The following CYP2J2 variants were observed in gnomAD, a reference collection of about 807,000 sequenced individuals.
CYP2J2 encodes the protein cytochrome P450 family 2 subfamily J member 2.
CYP2J2 carries 41 observed loss-of-function variants against 48.8 expected under a neutral mutation model. The ratio of observed to expected loss-of-function variants is 0.84; its 90% CI spans 0.66 to 1.09. The LOEUF (loss-of-function observed/expected upper bound fraction) is 1.09, where lower values mean the gene tolerates loss of function less well. Ranked by LOEUF, CYP2J2 falls within the 50% of genes least tolerant of loss-of-function variation. CYP2J2 has a pLI of 0.00. For missense variants in CYP2J2, 644 were observed against 617.3 expected, an observed-to-expected ratio of 1.04 and a Z score of -0.46; for synonymous variants, 221 against 227.1, an observed-to-expected ratio of 0.97 and a Z score of 0.24.
At chr1:59,928,756 A>C (rs1194178597), upstream of CYP2J2, among the ~76,000 whole-genome samples, 2 of 152,210 alleles carry the variant, frequency 1.3e-5, no homozygotes, top group East Asian at 3.8e-4. Flanking sequence ...GGTTAGCCAC[A>C]AACACCAGAG....
intron 1 of CYP2J2, among the ~76,000 whole-genome samples, chr1:59,921,614 G>T (rs1183137207): frequency 6.6e-6 from 1 of 151,708 alleles, no homozygotes; most frequent in Admixed American, 6.6e-5. Context: ...TTAGGGTTAA[G>T]GCATACTCCC....
Position 59,926,748 on chromosome 1 carries a change from G to T in CYP2J2, c.-2C>A, listed in dbSNP as rs1201127362. 1.2e-6 allele frequency: 2 copies of T among 1,611,088 alleles called. No individual in the cohort carries two copies. The highest frequency in any genetic ancestry group is 2.2e-5 in the East Asian group (1 of 44,838). ...CAGAGAGCCCATCGCCGCGAGCATGGCTCAGACGTCCTCCTGCTCTTCTGC... is the reference window on the plus strand; with the variant it reads ...CAGAGAGCCCATCGCCGCGAGCATGTCTCAGACGTCCTCCTGCTCTTCTGC... On this transcript the variant is annotated 5_prime_UTR_variant, in exon 1 of 9. Coordinates refer to ENST00000371204, the MANE Select transcript of CYP2J2 (RefSeq NM_000775.4).
At chr1:59,935,015 C>CATATATATATAT in the CYP2J2 span, among the ~76,000 whole-genome samples, 21 of 47,502 alleles carry the variant, frequency 4.4e-4, no homozygotes, top group Non-Finnish European at 7.9e-4. Flanking sequence ...TATATATATA[C>CATATATATATAT]ATATATATAT....
chr1:59,939,477 G>A, the CYP2J2 span, among the ~76,000 whole-genome samples: 1 of 152,182 alleles, frequency 6.6e-6, no homozygotes, highest in African/African-American at 2.4e-5. Context: ...AGAGTTGGGG[G>A]TGGAGTGACA....
chr1:59,962,104 T>C, the CYP2J2 span, among the ~76,000 whole-genome samples: 1 of 152,136 alleles, frequency 6.6e-6, no homozygotes, highest in Non-Finnish European at 1.5e-5. Context: ...TTTAAATGGG[T>C]AAATTTTATG....
At chr1:59,925,583 A>G (rs11572196) in intron 1 of CYP2J2, among the ~76,000 whole-genome samples, 2,744 of 152,314 alleles carry the variant, frequency 0.018, 36 homozygotes, top group Middle Eastern at 0.031. Context: ...AAATAAGGAC[A>G]CAGGTTTGGG....
chr1:59,905,523 G>A (rs979493024), intron 6 of CYP2J2, among the ~76,000 whole-genome samples: 1 of 152,156 alleles, frequency 6.6e-6, no homozygotes. Flanking sequence ...TTGGGCTGGG[G>A]TGGGCCCAAG....
At chr1:59,925,464 A>G (rs769439792) in intron 1 of CYP2J2, among the ~76,000 whole-genome samples, 3 of 152,218 alleles carry the variant, frequency 2.0e-5, no homozygotes, top group Non-Finnish European at 1.5e-5. Context: ...AAGAACTGAA[A>G]TTGTACATAG....
intron 6 of CYP2J2, 139 bp from the exon 7 acceptor site, chr1:59,905,197 T>A: frequency 1.2e-6 from 1 of 829,412 alleles, no homozygotes; most frequent in Non-Finnish European, 1.8e-6. Context: ...TCTTAACCTT[T>A]TGAAAGGCTT....
At chr1:59,910,306 T>C (rs1345215202) in intron 4 of CYP2J2, among the ~76,000 whole-genome samples, 2 of 152,220 alleles carry the variant, frequency 1.3e-5, no homozygotes, top group Admixed American at 1.3e-4. Context: ...TTTGTTAAAA[T>C]GGGTCTTTTT....
Position 59,894,696 on chromosome 1 carries a change from C to A in CYP2J2, c.1331-867G>T, listed in dbSNP as rs532598034. 3.3e-5 allele frequency among the ~76,000 whole-genome samples: 5 copies of A among 152,198 alleles called. No homozygotes were observed. The East Asian group carries it at 5.8e-4, about 18-fold the overall frequency. On this transcript the variant is annotated intron_variant, in intron 8 of 8. Coordinates refer to ENST00000371204, the MANE Select transcript of CYP2J2 (RefSeq NM_000775.4). ...TATTGTGTGAGCTACATGCTGAATC[C>A]AAATAAGCTAAATAATTTAATAATT...
chr1:59,930,415 T>C (rs1644597481), upstream of CYP2J2, among the ~76,000 whole-genome samples: 1 of 152,168 alleles, frequency 6.6e-6, no homozygotes, highest in African/African-American at 2.4e-5. Context: ...TCTGTATTTG[T>C]TATCTTCTGT....
Position 59,911,614 on chromosome 1 carries a change from T to A in CYP2J2, c.678A>T (p.Thr226=). 1.9e-6 allele frequency: 3 copies of A among 1,604,396 alleles called. No homozygotes were observed. The highest frequency in any genetic ancestry group is 2.6e-6 in the Non-Finnish European group (3 of 1,174,834). Residue 226 remains threonine (T), a synonymous_variant, in exon 4 of 9, where the codon ACA becomes ACT. Coordinates refer to ENST00000371204, the MANE Select transcript of CYP2J2 (RefSeq NM_000775.4). ...DEVTYLEASK[T]CQLYNVFPWI... is the part of the protein sequence containing the mutation. ...GGAGAGACAGCTGCCTTACCTGGCA[T>A]GTCTTTGAAGCCTCCAAGTATGTGA...
chr1:59,933,384 T>C, the CYP2J2 span, among the ~76,000 whole-genome samples: 1 of 152,192 alleles, frequency 6.6e-6, no homozygotes, highest in Admixed American at 6.5e-5. Flanking sequence ...TTAACCCAAC[T>C]ACATCAATAA....
At chr1:59,952,793 G>C in the CYP2J2 span, among the ~76,000 whole-genome samples, 2 of 152,186 alleles carry the variant, frequency 1.3e-5, no homozygotes, top group South Asian at 2.1e-4. Flanking sequence ...CACACCCAAT[G>C]CATAGAAGCA....
At chr1:59,959,132 T>G in the CYP2J2 span, among the ~76,000 whole-genome samples, 1 of 152,212 alleles carries the variant, frequency 6.6e-6, no homozygotes, top group African/African-American at 2.4e-5. Flanking sequence ...GTCCTTTGCA[T>G]GATTAATTTC....
the CYP2J2 span, among the ~76,000 whole-genome samples, chr1:59,947,742 G>T: frequency 6.6e-6 from 1 of 152,228 alleles, no homozygotes; most frequent in Admixed American, 6.5e-5. Flanking sequence ...CATAATCTGG[G>T]CCAGCTTAAC....
rs542724728 is a variant in CYP2J2, at chr1:59,915,645, C to T, written c.373+293G>A. 9.2e-5 allele frequency among the ~76,000 whole-genome samples: 14 copies of T among 152,278 alleles called. No individual in the cohort carries two copies. The East Asian group carries it at 2.1e-3, about 23-fold the overall frequency. ...TTGGAAGAGGAAAACAGAGAGAACACGTTCCTCTGCTATAAATGGGTAACA... is the reference window on the plus strand; with the variant it reads ...TTGGAAGAGGAAAACAGAGAGAACATGTTCCTCTGCTATAAATGGGTAACA... On this transcript the variant is annotated intron_variant, in intron 2 of 8. Transcript: ENST00000371204.
intron 1 of CYP2J2, among the ~76,000 whole-genome samples, chr1:59,916,955 G>A (rs185295810): frequency 6.4e-4 from 97 of 152,178 alleles, no homozygotes; most frequent in African/African-American, 2.1e-3. Context: ...TTCCTAGACT[G>A]GGCATAGATA....
Sources: gnomAD v4.1 joint callset for allele counts (sites outside exome capture counted in the v4.1 genomes callset) on GRCh38, gnomAD v4.1.1 for gene constraint, MANE v1.5 for transcripts, NCBI Gene and HGNC (gene_info 2026-07-23, HGNC 2026-07-21) for gene names.